CPLANE1: variants seen among roughly 807,000 people sequenced by gnomAD.
The protein encoded by CPLANE1 is ciliogenesis and planar polarity effector 1.
A neutral mutation model predicts 362.5 loss-of-function variants in CPLANE1; 263 were observed. The ratio of observed to expected loss-of-function variants is 0.73; its 90% CI spans 0.66 to 0.80. The LOEUF (loss-of-function observed/expected upper bound fraction) is 0.80. CPLANE1 is among the 30% of genes least tolerant of loss of function. CPLANE1 has a pLI of 0.00. For synonymous variants in CPLANE1, 1,212 were observed against 1,302.6 expected (o/e 0.93, Z 1.50); for missense variants, 3,461 against 3,793.4 (o/e 0.91, Z 2.30).
chr5:37,108,510 T>G, intron 51 of CPLANE1, 39 bp from the exon 52 acceptor site: 4 of 1,441,820 alleles, frequency 2.8e-6, no homozygotes, highest in Non-Finnish European at 3.8e-6. Flanking sequence ...TTGGGATTGA[T>G]TCATTCATTC....
In CPLANE1 at chr5:37,136,156, C is replaced by T. The variant is rs890800784; in HGVS notation, c.8792+2564G>A. Among the ~76,000 whole-genome samples the T allele has an allele frequency of 4.6e-5, 7 of 152,284 alleles. No individual in the cohort carries two copies. The East Asian group carries it at 1.4e-3, about 29-fold the overall frequency. On this transcript the variant is annotated intron_variant, in intron 46 of 52. Transcript: ENST00000651892. ...CTGAGACAAGGCAAGACCCTCCTGC[C>T]TGTAAAATCAAAAGCAATTTAGTTA...
intron 46 of CPLANE1, among the ~76,000 whole-genome samples, chr5:37,137,799 C>T (rs1768198523): frequency 6.6e-6 from 1 of 152,152 alleles, no homozygotes; most frequent in African/African-American, 2.4e-5. Context: ...CAAACTGTCC[C>T]CATGATTCAA....
Position 37,195,966 on chromosome 5 carries a change from T to C in CPLANE1, c.3703A>G (p.Ser1235Gly). ...TTAAGTAATGACTGAGGAAAAGGAC[T>C]CAGTGAAGGAAGGGATCCTTTCATT... ...IRMKGSLPSL[S>G]PFPQSLLNYC... The change falls in exon 21 of 53, where the codon AGT becomes GGT. Residue 1235 changes from serine (S) to glycine (G), a missense_variant. Physicochemically the swap from Ser to Gly is moderately conservative, Grantham distance 56. Coordinates refer to ENST00000651892, the MANE Select transcript of CPLANE1 (RefSeq NM_001384732.1). 1 of 1,609,658 alleles carries C rather than the reference T, an allele frequency of 6.2e-7. No individual in the cohort carries two copies. Among genetic ancestry groups the C allele is most frequent in the Non-Finnish European group, 8.5e-7 (1 of 1,178,584 alleles).
At chr5:37,212,281 A>T in intron 16 of CPLANE1, 2 of 1,241,904 alleles carry the variant, frequency 1.6e-6, no homozygotes, top group Non-Finnish European at 2.4e-6. Context: ...AGCTCAAAAA[A>T]GATGGTCCAG....
chr5:37,230,221 GAAA>G (rs1230592811), intron 9 of CPLANE1, among the ~76,000 whole-genome samples: 1 of 121,958 alleles, frequency 8.2e-6, no homozygotes. Context: ...TTTAAAAATT[GAAA>G]AAAAAAAAAA....
chr5:37,245,723 T>C lies in CPLANE1; in HGVS notation c.204A>G (p.Thr68=). ...GTACTACTTAACCATTACTGGATGT[T>C]GTTAGGACAATAACATCCTTCAAGA... is the stretch of plus-strand genomic sequence containing the variant. ...QPFLKDVIVL[T]TSSNDAWLAG... Residue 68 remains threonine (T), a synonymous_variant, in exon 3 of 53, where the codon ACA becomes ACG. Coordinates refer to ENST00000651892, the MANE Select transcript of CPLANE1 (RefSeq NM_001384732.1). 6.6e-7 allele frequency: 1 copy of C among 1,523,124 alleles called. No homozygotes were observed. Among genetic ancestry groups the C allele is most frequent in the Non-Finnish European group, 8.8e-7 (1 of 1,137,560 alleles). The allele number at this position is 1,523,124 out of a possible 1,614,324, so 94.4% of individuals were successfully genotyped here.
At position 37,157,779 on chromosome 5, in the gene CPLANE1, A is replaced by G. The variant is rs1181211341; in HGVS notation, c.7902T>C (p.Asn2634=). Residue 2634 remains asparagine, a synonymous_variant, in exon 40 of 53, where the codon AAT becomes AAC. Transcript: ENST00000651892. ...LPVREEPSND[N]VIKQQSDHLA... ...GATGATCGCTTTGCTGTTTGATAAC[A>G]TTATCATTTGAAGGCTCTTCTCTCA... 2 of 1,613,754 alleles carry G rather than the reference A, an allele frequency of 1.2e-6. No homozygotes were observed. Among genetic ancestry groups the G allele is most frequent in the Non-Finnish European group, 1.7e-6 (2 of 1,179,856 alleles).
chr5:37,188,994 C>T lies in CPLANE1; in HGVS notation c.3812-1152G>A, dbSNP rs1033642440. On this transcript the variant is annotated intron_variant, in intron 21 of 52. Coordinates refer to ENST00000651892, the MANE Select transcript of CPLANE1 (RefSeq NM_001384732.1). ...CCTCCCAAGTACCTGGGACTACAAG[C>T]GTGTGCCACCATACCTGGCTAATTT... 3.3e-5 allele frequency among the ~76,000 whole-genome samples: 5 copies of T among 152,184 alleles called. No individual in the cohort carries two copies. The East Asian group carries it at 7.7e-4, about 24-fold the overall frequency.
At chr5:37,116,070 T>A (rs1028607428) in intron 50 of CPLANE1, among the ~76,000 whole-genome samples, 1 of 151,882 alleles carries the variant, frequency 6.6e-6, no homozygotes, top group Non-Finnish European at 1.5e-5. Context: ...GAAGATTGCT[T>A]GAGCCCAGGA....
At chr5:37,091,891 A>G in the CPLANE1 span, among the ~76,000 whole-genome samples, 1 of 152,172 alleles carries the variant, frequency 6.6e-6, no homozygotes, top group Non-Finnish European at 1.5e-5. Context: ...TGAGGCTTCC[A>G]TGGATGACAC....
intron 31 of CPLANE1, 147 bp from the exon 32 acceptor site, chr5:37,174,094 C>T (rs1780515141): frequency 1.4e-6 from 1 of 701,540 alleles, no homozygotes; most frequent in South Asian, 2.0e-5. Flanking sequence ...AACCCTAAAG[C>T]CTTTCTCTCT....
At chr5:37,139,272 T>C in intron 45 of CPLANE1, 68 bp downstream of exon 45, 3 of 1,356,516 alleles carry the variant, frequency 2.2e-6, no homozygotes, top group Non-Finnish European at 3.0e-6. Context: ...CACACACATA[T>C]GAACAAAATT....
the CPLANE1 span, among the ~76,000 whole-genome samples, chr5:37,075,984 C>T: frequency 1.6e-4 from 25 of 152,198 alleles, no homozygotes; most frequent in East Asian, 1.5e-3. Flanking sequence ...TGGCTCACAC[C>T]TGCAATCCCA....
chr5:37,122,735 G>A (rs1371273887), intron 47 of CPLANE1, among the ~76,000 whole-genome samples: 1 of 152,076 alleles, frequency 6.6e-6, no homozygotes, highest in Non-Finnish European at 1.5e-5. Flanking sequence ...CCAACATGGT[G>A]AAACCTCGTC....
the CPLANE1 span, among the ~76,000 whole-genome samples, chr5:37,093,412 A>C: frequency 6.6e-6 from 1 of 152,190 alleles, no homozygotes; most frequent in Non-Finnish European, 1.5e-5. Context: ...CAATCAATGC[A>C]TAGTTGGGAT....
In CPLANE1 at chr5:37,169,434, A is replaced by C; in HGVS notation, c.6590T>G (p.Leu2197Arg). The C allele has an allele frequency of 6.2e-7, 1 of 1,614,218 alleles. No individual in the cohort carries two copies. The highest frequency in any genetic ancestry group is 8.5e-7 in the Non-Finnish European group (1 of 1,180,040). Residue 2197 changes from leucine (L) to arginine (R), a missense_variant, in exon 34 of 53, where the codon CTC (leucine) becomes CGC (arginine). Leu to Arg is a moderately radical substitution (Grantham distance 102). Transcript: ENST00000651892. ...AACAGAAGGTGTGGACAAAAGGTAG[A>C]GGTGAGTATTTCCAGCAGGAGCTGG... ...FYPAPAGNTH[L>R]YLLSTPSVVQ...
chr5:37,180,747 C>T, intron 27 of CPLANE1, 110 bp downstream of exon 27: 2 of 1,020,698 alleles, frequency 2.0e-6, no homozygotes, highest in Admixed American at 2.3e-5. Flanking sequence ...TCCTCTACTT[C>T]AAAAAATGCT....
Position 37,227,232 on chromosome 5 carries a change from C to T in CPLANE1, c.1521+11G>A. 1 of 1,546,722 alleles carries T rather than the reference C, an allele frequency of 6.5e-7. No homozygotes were observed. Among genetic ancestry groups the T allele is most frequent in the South Asian group, 1.2e-5 (1 of 82,880 alleles). On this transcript the variant is annotated intron_variant, in intron 11 of 52. Transcript: ENST00000651892. ...ATTGTTCCAAGTAAATAAAATTCTG[C>T]TGCTAAGTACCTGAAAATCTGCTGC...
At chr5:37,138,895 C>T (rs774873573) in intron 45 of CPLANE1, 47 bp from the exon 46 acceptor site, 2 of 1,528,606 alleles carry the variant, frequency 1.3e-6, no homozygotes, top group South Asian at 2.5e-5. Context: ...GTATCTACAA[C>T]TTAATTACAT....
Sources: allele counts gnomAD v4.1 joint callset (sites outside exome capture counted in the v4.1 genomes callset), GRCh38; gene constraint gnomAD v4.1.1; transcripts MANE v1.5; gene names NCBI Gene and HGNC (gene_info 2026-07-23, HGNC 2026-07-21).